Variants in ZFP30 observed in about 807,000 individuals in gnomAD.
ZFP30 encodes the protein ZFP30 zinc finger protein, also known as zinc finger protein 30 homolog.
A neutral mutation model predicts 12.3 loss-of-function variants in ZFP30; 16 were observed. That is an observed-to-expected ratio of 1.30 (90% confidence interval 0.88 to 1.98). ZFP30 has a LOEUF of 1.98. Ranked by LOEUF, ZFP30 falls within the 30% of genes most tolerant of loss-of-function variation. The pLI, the probability that ZFP30 is intolerant of heterozygous loss-of-function variation, is 0.00. For synonymous variants in ZFP30, 172 were observed against 201.0 expected, an observed-to-expected ratio of 0.86 and a Z score of 1.22; for missense variants, 560 against 611.2, an observed-to-expected ratio of 0.92 and a Z score of 0.88.
chr19:37,640,324 T>C (rs936404321), intron 5 of ZFP30, among the ~76,000 whole-genome samples: 21 of 151,976 alleles, frequency 1.4e-4, no homozygotes, highest in Middle Eastern at 6.8e-3. Flanking sequence ...GATTGGACTA[T>C]GATAGACAAT....
chr19:37,636,854 G>A (rs1306327244), intron 5 of ZFP30, among the ~76,000 whole-genome samples: 1 of 152,056 alleles, frequency 6.6e-6, no homozygotes, highest in Non-Finnish European at 1.5e-5. Flanking sequence ...GGAATTACAG[G>A]AGTGCGCCAC....
At chr19:37,654,292 C>G (rs2044709339) in intron 2 of ZFP30, among the ~76,000 whole-genome samples, 2 of 152,152 alleles carry the variant, frequency 1.3e-5, no homozygotes, top group African/African-American at 4.8e-5. Context: ...GCTGCCAGAC[C>G]TCAAACCACA....
At chr19:37,647,785 T>TTTCTC in intron 3 of ZFP30, 29 bp downstream of exon 3, 1 of 1,613,706 alleles carries the variant, frequency 6.2e-7, no homozygotes, top group Non-Finnish European at 8.5e-7. Flanking sequence ...AATGACAGAA[T>TTTCTC]TCCAAAGTAG....
At chr19:37,638,404 T>G (rs1374358280) in intron 5 of ZFP30, among the ~76,000 whole-genome samples, 1 of 152,240 alleles carries the variant, frequency 6.6e-6, no homozygotes. Flanking sequence ...AAAAGGCTAG[T>G]AAAATTCTGA....
At chr19:37,639,962 A>C (rs1318245216) in intron 5 of ZFP30, among the ~76,000 whole-genome samples, 1 of 152,218 alleles carries the variant, frequency 6.6e-6, no homozygotes, top group African/African-American at 2.4e-5. Context: ...CCAAATAGCC[A>C]TGTTTGTTCC....
chr19:37,637,477 C>T (rs1317323506), intron 5 of ZFP30, among the ~76,000 whole-genome samples: 1 of 151,860 alleles, frequency 6.6e-6, no homozygotes, highest in African/African-American at 2.4e-5. Context: ...GCGTCAGCCA[C>T]CGCGCCCAGC....
At chr19:37,647,969 C>T in intron 2 of ZFP30, 70 bp from the exon 3 acceptor site, 1 of 828,578 alleles carries the variant, frequency 1.2e-6, no homozygotes. Flanking sequence ...AAAACTGGTA[C>T]TACTTCTCCA....
intron 2 of ZFP30, among the ~76,000 whole-genome samples, chr19:37,650,124 AT>A (rs879828813): frequency 0.018 from 2,537 of 140,524 alleles, 38 homozygotes; most frequent in African/African-American, 0.051. Flanking sequence ...GAATCTTTAC[AT>A]TTTTTTTTTT....
chr19:37,645,274 A>C (rs1211122434), intron 3 of ZFP30, among the ~76,000 whole-genome samples: 1 of 152,170 alleles, frequency 6.6e-6, no homozygotes, highest in East Asian at 1.9e-4. Context: ...CACTTCATAC[A>C]TCAAATGAAT....
At chr19:37,640,386 T>A (rs1030242905) in intron 5 of ZFP30, among the ~76,000 whole-genome samples, 1 of 149,902 alleles carries the variant, frequency 6.7e-6, no homozygotes, top group East Asian at 1.9e-4. Flanking sequence ...TATATTTTAA[T>A]TTTAATATTA....
chr19:37,649,343 C>G (rs1353860772), intron 2 of ZFP30, among the ~76,000 whole-genome samples: 4 of 151,448 alleles, frequency 2.6e-5, no homozygotes, highest in African/African-American at 9.7e-5. Context: ...ATTGAAGGAA[C>G]TGGATTGGCA....
chr19:37,645,776 G>T (rs1013704068), intron 3 of ZFP30, among the ~76,000 whole-genome samples: 4 of 151,432 alleles, frequency 2.6e-5, no homozygotes, highest in Admixed American at 6.6e-5. Context: ...AATAATAATT[G>T]ATGGTATTCT....
At chr19:37,647,980 T>C (rs1253840014) in intron 2 of ZFP30, 81 bp from the exon 3 acceptor site, 12 of 734,724 alleles carry the variant, frequency 1.6e-5, no homozygotes, top group Non-Finnish European at 2.0e-5. Context: ...TACTTCTCCA[T>C]TCCTATATGC....
rs2147255625 is a variant in ZFP30 at position 37,635,909 on chromosome 19, T to A, written c.632A>T (p.Asp211Val). The change falls in exon 6 of 6, where the codon GAC becomes GTC. Residue 211 changes from aspartate to valine, a missense_variant. Coordinates refer to ENST00000684514, the MANE Select transcript of ZFP30 (RefSeq NM_001320669.3). ...LSRHQRIHTSDKLYECKKCGK... is the reference protein window; with the variant it reads ...LSRHQRIHTSVKLYECKKCGK... ...ACATTTTTTACATTCATAGAGTTTG[T>A]CAGAAGTATGAATTCTCTGATGTCG... The A allele has an allele frequency of 6.2e-7, 1 of 1,614,172 alleles. No homozygotes were observed. Among genetic ancestry groups the A allele is most frequent in the Non-Finnish European group, 8.5e-7 (1 of 1,180,022 alleles).
At position 37,635,608 on chromosome 19, in the gene ZFP30, T is replaced by C. The variant is rs2044307763; in HGVS notation, c.933A>G (p.Thr311=). ...KECGQAFLCS[T]GLRLHHKLHT... ...GAAGTTTGTGATGTAGTCGAAGGCCTGTACTACACAGAAAGGCCTGACCAC... is the reference window on the plus strand; with the variant it reads ...GAAGTTTGTGATGTAGTCGAAGGCCCGTACTACACAGAAAGGCCTGACCAC... The change falls in exon 6 of 6, where the codon ACA becomes ACG. Residue 311 remains threonine, a synonymous_variant. Transcript: ENST00000684514. 3 of 1,614,192 alleles carry C rather than the reference T, an allele frequency of 1.9e-6. No individual in the cohort carries two copies. Among genetic ancestry groups the C allele is most frequent in the Non-Finnish European group, 2.5e-6 (3 of 1,180,028 alleles).
intron 5 of ZFP30, among the ~76,000 whole-genome samples, chr19:37,643,052 CAA>C (rs951396776): frequency 1.1e-4 from 7 of 61,406 alleles, no homozygotes; most frequent in East Asian, 1.1e-3. Context: ...GACTCCGTCT[CAA>C]AAAAAAAAAA....
chr19:37,641,302 C>G (rs1179749774), intron 5 of ZFP30, among the ~76,000 whole-genome samples: 2 of 152,126 alleles, frequency 1.3e-5, no homozygotes, highest in South Asian at 2.1e-4. Flanking sequence ...TATTTCACAT[C>G]GTAAAATATA....
intron 2 of ZFP30, among the ~76,000 whole-genome samples, chr19:37,648,358 G>A (rs968654014): frequency 1.3e-5 from 2 of 152,106 alleles, no homozygotes; most frequent in Non-Finnish European, 2.9e-5. Context: ...AAATAGCATA[G>A]ACAAGAATTT....
intron 2 of ZFP30, among the ~76,000 whole-genome samples, chr19:37,653,490 T>A (rs2044693635): frequency 6.6e-6 from 1 of 152,228 alleles, no homozygotes; most frequent in African/African-American, 2.4e-5. Context: ...TATACAAGAT[T>A]CATATGTAAC....
Sources: gnomAD v4.1 joint callset for allele counts (sites outside exome capture counted in the v4.1 genomes callset) on GRCh38, gnomAD v4.1.1 for gene constraint, MANE v1.5 for transcripts, NCBI Gene and HGNC (gene_info 2026-07-23, HGNC 2026-07-21) for gene names.